ENTREP2: variants seen among roughly 807,000 people sequenced by gnomAD.
The protein encoded by ENTREP2 is protein ENTREP2.
At chr15:29,284,742 C>G in the ENTREP2 span, among the ~76,000 whole-genome samples, 1 of 152,096 alleles carries the variant, frequency 6.6e-6, no homozygotes, top group Non-Finnish European at 1.5e-5. Context: ...GGAAACACAG[C>G]TTCTCTGCAT....
the ENTREP2 span, among the ~76,000 whole-genome samples, chr15:29,453,139 CA>C: frequency 6.6e-6 from 1 of 152,178 alleles, no homozygotes; most frequent in East Asian, 1.9e-4. Flanking sequence ...AGTGGCCTGC[CA>C]ATGCCACACC....
the ENTREP2 span, among the ~76,000 whole-genome samples, chr15:29,244,652 A>G: frequency 6.6e-6 from 1 of 152,224 alleles, no homozygotes; most frequent in East Asian, 1.9e-4. Flanking sequence ...TGAAGACAAA[A>G]GTGTTATAAA....
the ENTREP2 span, among the ~76,000 whole-genome samples, chr15:29,669,105 C>G: frequency 5.9e-5 from 9 of 152,160 alleles, no homozygotes; most frequent in Admixed American, 2.0e-4. Context: ...ACTTGGGAGG[C>G]TGAGGCATGA....
the ENTREP2 span, among the ~76,000 whole-genome samples, chr15:29,524,124 T>C: frequency 6.6e-6 from 1 of 152,196 alleles, no homozygotes; most frequent in Non-Finnish European, 1.5e-5. Flanking sequence ...GTAAATCATA[T>C]GTCTGTACAG....
the ENTREP2 span, among the ~76,000 whole-genome samples, chr15:29,335,310 T>TTTTTTTTTTTTTTGAGACGG: frequency 6.6e-6 from 1 of 152,198 alleles, no homozygotes; most frequent in African/African-American, 2.4e-5. Flanking sequence ...AGATGCTTTT[T>TTTTTTTTTTTTTTGAGACGG]AACAAGTAAG....
At chr15:29,430,185 T>C in the ENTREP2 span, among the ~76,000 whole-genome samples, 2 of 152,094 alleles carry the variant, frequency 1.3e-5, no homozygotes, top group African/African-American at 4.8e-5. Context: ...GTCTCCCCCA[T>C]TGATAAAAGG....
At chr15:29,558,328 C>T in the ENTREP2 span, among the ~76,000 whole-genome samples, 64 of 152,160 alleles carry the variant, frequency 4.2e-4, no homozygotes, top group Admixed American at 3.8e-3. Context: ...GTCTCCCTCT[C>T]CCACTCCAGC....
the ENTREP2 span, among the ~76,000 whole-genome samples, chr15:29,248,553 TAA>T: frequency 6.6e-6 from 1 of 151,624 alleles, no homozygotes; most frequent in African/African-American, 2.4e-5. Flanking sequence ...GAGAAGAAAA[TAA>T]AATATAAATG....
the ENTREP2 span, among the ~76,000 whole-genome samples, chr15:29,581,890 A>G: frequency 6.7e-4 from 102 of 152,182 alleles, no homozygotes; most frequent in African/African-American, 2.3e-3. Context: ...ATAGACACAC[A>G]GTTCAATGTA....
the ENTREP2 span, among the ~76,000 whole-genome samples, chr15:29,207,036 C>T: frequency 2.0e-5 from 3 of 152,128 alleles, no homozygotes; most frequent in Non-Finnish European, 4.4e-5. Context: ...GCCACTTTCC[C>T]GCGAGTGGCT....
the ENTREP2 span, among the ~76,000 whole-genome samples, chr15:29,397,670 A>G: frequency 2.6e-5 from 4 of 152,244 alleles, no homozygotes; most frequent in African/African-American, 9.6e-5. Context: ...TTGATTCCCC[A>G]AAAGACCAAA....
At chr15:29,472,698 C>T in the ENTREP2 span, among the ~76,000 whole-genome samples, 2 of 152,266 alleles carry the variant, frequency 1.3e-5, no homozygotes, top group African/African-American at 4.8e-5. Context: ...CTCCTGACCT[C>T]ATGTGATCCA....
At chr15:29,469,868 G>A in the ENTREP2 span, among the ~76,000 whole-genome samples, 1 of 152,132 alleles carries the variant, frequency 6.6e-6, no homozygotes, top group Non-Finnish European at 1.5e-5. Context: ...GTAAGACTCT[G>A]ATTAAAGTTG....
the ENTREP2 span, among the ~76,000 whole-genome samples, chr15:29,538,078 T>C: frequency 6.6e-6 from 1 of 152,206 alleles, no homozygotes; most frequent in Non-Finnish European, 1.5e-5. Context: ...GGCATGTTCA[T>C]TGTCCACTAG....
the ENTREP2 span, among the ~76,000 whole-genome samples, chr15:29,645,708 G>A: frequency 1.2e-4 from 18 of 151,850 alleles, no homozygotes; most frequent in South Asian, 4.2e-4. Flanking sequence ...ACAGGTGCCC[G>A]CCACCATACC....
At chr15:29,401,572 T>C in the ENTREP2 span, among the ~76,000 whole-genome samples, 1 of 152,222 alleles carries the variant, frequency 6.6e-6, no homozygotes, top group South Asian at 2.1e-4. Flanking sequence ...CATAATTTGA[T>C]GTAGCCTTCC....
chr15:29,485,536 C>A, the ENTREP2 span, among the ~76,000 whole-genome samples: 2 of 152,208 alleles, frequency 1.3e-5, no homozygotes, highest in Non-Finnish European at 2.9e-5. Context: ...GAGCAACCTG[C>A]AGTCCCTGGG....
the ENTREP2 span, among the ~76,000 whole-genome samples, chr15:29,306,519 A>G: frequency 6.6e-6 from 1 of 152,274 alleles, no homozygotes; most frequent in African/African-American, 2.4e-5. Flanking sequence ...CTTAGTTTTA[A>G]TTAACTTTTA....
the ENTREP2 span, among the ~76,000 whole-genome samples, chr15:29,134,688 G>A: frequency 2.0e-5 from 3 of 152,176 alleles, no homozygotes; most frequent in Admixed American, 6.5e-5. Flanking sequence ...TGTGATTGTC[G>A]GAAGGGCTTG....
Sources: allele counts gnomAD v4.1 joint callset (sites outside exome capture counted in the v4.1 genomes callset), GRCh38; gene constraint gnomAD v4.1.1; transcripts MANE v1.5; gene names NCBI Gene and HGNC (gene_info 2026-07-23, HGNC 2026-07-21).